The following ABCA4 variants were observed in gnomAD, a reference collection of about 807,000 sequenced individuals.
ABCA4 encodes the protein retinal-specific phospholipid-transporting ATPase ABCA4.
Under a neutral mutation model 263.7 loss-of-function variants are expected in ABCA4, and 196 were observed. The ratio of observed to expected loss-of-function variants is 0.74; its 90% CI spans 0.66 to 0.84. ABCA4 has a LOEUF of 0.84. ABCA4 is among the 40% of genes least tolerant of loss of function. The probability of loss-of-function intolerance (pLI) is 0.00; values close to 1 mark genes in which losing one functional copy is unlikely to be tolerated. For missense variants in ABCA4, 2,792 were observed against 2,855.1 expected (o/e 0.98, Z 0.50); for synonymous variants, 1,133 against 1,094.2 (o/e 1.04, Z -0.70).
chr1:94,088,675 G>T (rs541628449), intron 6 of ABCA4, among the ~76,000 whole-genome samples: 26 of 152,298 alleles, frequency 1.7e-4, no homozygotes, highest in African/African-American at 6.3e-4. Context: ...AATTGGTGCT[G>T]GGAATGAGTG....
Position 93,993,184 on chromosome 1 carries a change from C to T in ABCA4, c.*53G>A. ...GACCATATGGGCACAGGCTCCTGCG[C>T]CTCCAGCTGCCCAGAGTTCCTTTCT... On this transcript the variant is annotated 3_prime_UTR_variant, in exon 50 of 50. Transcript: ENST00000370225. 6.2e-7 allele frequency: 1 copy of T among 1,613,404 alleles called. No individual in the cohort carries two copies. Among genetic ancestry groups the T allele is most frequent in the East Asian group, 2.2e-5 (1 of 44,876 alleles).
intron 38 of ABCA4, among the ~76,000 whole-genome samples, chr1:94,013,226 C>G (rs200518656): frequency 3.0e-5 from 1 of 33,300 alleles, no homozygotes; most frequent in Admixed American, 6.0e-4. Context: ...CTTATCCCCC[C>G]GCCTTTCCAG....
At chr1:94,020,181 C>T (rs1381625229) in intron 35 of ABCA4, among the ~76,000 whole-genome samples, 3 of 152,178 alleles carry the variant, frequency 2.0e-5, no homozygotes, top group Non-Finnish European at 4.4e-5. Flanking sequence ...TGTTAAATCA[C>T]ATTTTCAAGA....
rs4147887 is a variant in ABCA4 at position 94,078,580 on chromosome 1, C to CA, written c.1356+9_1356+10insT. 8 of 1,052,774 alleles carry CA rather than the reference C, an allele frequency of 7.6e-6. No homozygotes were observed. The highest frequency in any genetic ancestry group is 3.8e-5 in the South Asian group (3 of 78,566). The allele number at this position is 1,052,774 out of a possible 1,614,324, so 65.2% of individuals were successfully genotyped here. On this transcript the variant is annotated intron_variant, in intron 10 of 49. Coordinates refer to ENST00000370225, the MANE Select transcript of ABCA4 (RefSeq NM_000350.3). ...CTCCCCTCCCCTCCCCATCCTCCAA[C>CA]CCCCCTTACTCTGATCATGTTCATC...
At chr1:94,062,821 A>T in intron 12 of ABCA4, 68 bp from the exon 13 acceptor site, 1 of 1,516,544 alleles carries the variant, frequency 6.6e-7, no homozygotes, top group Non-Finnish European at 9.1e-7. Flanking sequence ...TCCCGACCAC[A>T]GGGTGACTCG....
intron 6 of ABCA4, among the ~76,000 whole-genome samples, chr1:94,087,781 A>T (rs147417365): frequency 6.6e-6 from 1 of 152,286 alleles, no homozygotes; most frequent in African/African-American, 2.4e-5. Context: ...AAATGATAAA[A>T]TCCCACATTT....
intron 11 of ABCA4, among the ~76,000 whole-genome samples, chr1:94,077,036 A>G (rs182809762): frequency 7.2e-5 from 11 of 152,338 alleles, no homozygotes; most frequent in African/African-American, 1.9e-4. Context: ...GGCAATGATA[A>G]TGGTGCAAGC....
chr1:94,098,731 C>T (rs753228268), intron 6 of ABCA4, 63 bp downstream of exon 6: 45 of 1,581,964 alleles, frequency 2.8e-5, no homozygotes, highest in African/African-American at 1.8e-4. Context: ...AAGGTCAATT[C>T]GTGAGGCTCT....
chr1:94,106,063 C>G (rs987825936), intron 4 of ABCA4, among the ~76,000 whole-genome samples: 2 of 152,222 alleles, frequency 1.3e-5, no homozygotes, highest in South Asian at 2.1e-4. Context: ...CCTCAAAGAC[C>G]GTGTCCCTTA....
At position 93,997,962 on chromosome 1, in the gene ABCA4, C is replaced by G; in HGVS notation, c.6628G>C (p.Val2210Leu). The stretch of plus-strand genomic sequence containing the variant: ...ATCCTCGCCAGGGAGGAGGAGGAGA[C>G]CTGGAACTGGAGCATGTTGTAGTGC... ...ERHYNMLQFQ[V>L]SSSSLARIFQ... The change falls in exon 48 of 50, where the codon GTC (valine) becomes CTC (leucine). Residue 2210 changes from valine (V) to leucine (L), a missense_variant. Physicochemically the swap from Val to Leu is conservative, Grantham distance 32. Transcript: ENST00000370225. 4 of 1,614,108 alleles carry G rather than the reference C, an allele frequency of 2.5e-6. No individual in the cohort carries two copies. The highest frequency in any genetic ancestry group is 3.4e-6 in the Non-Finnish European group (4 of 1,180,020).
At chr1:94,101,637 G>A (rs566635776) in intron 5 of ABCA4, among the ~76,000 whole-genome samples, 26 of 152,310 alleles carry the variant, frequency 1.7e-4, no homozygotes, top group Non-Finnish European at 2.9e-4. Flanking sequence ...GTTAACACAG[G>A]CTCTGAAGTT....
intron 30 of ABCA4, among the ~76,000 whole-genome samples, chr1:94,027,703 A>G (rs558355112): frequency 1.3e-5 from 2 of 152,174 alleles, no homozygotes; most frequent in Non-Finnish European, 2.9e-5. Flanking sequence ...AGTTGCTCCC[A>G]TTATTTGCTC....
intron 47 of ABCA4, among the ~76,000 whole-genome samples, chr1:93,999,300 C>T (rs534365559): frequency 2.0e-5 from 3 of 152,344 alleles, no homozygotes; most frequent in South Asian, 4.1e-4. Context: ...CCTGCCTCAG[C>T]TTCCCAAAGT....
chr1:94,095,748 G>GT, intron 6 of ABCA4, among the ~76,000 whole-genome samples: 1 of 123,368 alleles, frequency 8.1e-6, no homozygotes, highest in South Asian at 2.8e-4. Flanking sequence ...ATTTCTTTCA[G>GT]GTTTTTTTTT....
At chr1:94,115,105 C>T (rs915106196) in intron 1 of ABCA4, among the ~76,000 whole-genome samples, 1 of 152,178 alleles carries the variant, frequency 6.6e-6, no homozygotes, top group Non-Finnish European at 1.5e-5. Context: ...GTCTTGTCTT[C>T]CATTCTGGAT....
intron 14 of ABCA4, among the ~76,000 whole-genome samples, chr1:94,057,221 T>C (rs1373222101): frequency 1.3e-5 from 2 of 152,212 alleles, no homozygotes; most frequent in Admixed American, 1.3e-4. Context: ...TACCCCTCAG[T>C]GGGGCCCTGA....
chr1:94,062,888 T>C, intron 12 of ABCA4, 135 bp from the exon 13 acceptor site: 1 of 1,101,302 alleles, frequency 9.1e-7, no homozygotes, highest in Non-Finnish European at 1.3e-6. Flanking sequence ...CAATTCTATT[T>C]CCTAGTCCTC....
At position 94,055,115 on chromosome 1, in the gene ABCA4, A is replaced by G. The variant is rs1660936670; in HGVS notation, c.2583T>C (p.Phe861=). ...GLLAWYLDQV[F]PGDYGTPLPW... is the part of the protein sequence containing the mutation. ...CCTATAGAGGAGGATGCTTACCTGG[A>G]AACACCTGATCAAGGTACCAAGCGA... The change falls in exon 16 of 50, where the codon TTT becomes TTC. Residue 861 remains phenylalanine, a synonymous_variant. Coordinates refer to ENST00000370225, the MANE Select transcript of ABCA4 (RefSeq NM_000350.3). 3 of 1,614,034 alleles carry G rather than the reference A, an allele frequency of 1.9e-6. No homozygotes were observed. Among genetic ancestry groups the G allele is most frequent in the Non-Finnish European group, 2.5e-6 (3 of 1,180,016 alleles).
chr1:94,026,211 A>G lies in ABCA4; in HGVS notation c.4540-1163T>C, dbSNP rs1660035614. ...ATTCTTTCCTTTTCATACACTTTCT[A>G]TCTCCTCCCCCTGTTTTCCCATTTG... On this transcript the variant is annotated intron_variant, in intron 30 of 49. Coordinates refer to ENST00000370225, the MANE Select transcript of ABCA4 (RefSeq NM_000350.3). 2.6e-5 allele frequency among the ~76,000 whole-genome samples: 4 copies of G among 151,392 alleles called. No homozygotes were observed. In the South Asian group the frequency reaches 8.4e-4, roughly 32 times the overall value.
Sources: allele counts gnomAD v4.1 joint callset (sites outside exome capture counted in the v4.1 genomes callset), GRCh38; gene constraint gnomAD v4.1.1; transcripts MANE v1.5; gene names NCBI Gene and HGNC (gene_info 2026-07-23, HGNC 2026-07-21).